NUP88: variants seen among roughly 807,000 people sequenced by gnomAD.
NUP88 encodes the protein nuclear pore complex protein Nup88.
A neutral mutation model predicts 93.9 loss-of-function variants in NUP88; 57 were observed. The ratio of observed to expected loss-of-function variants is 0.61; its 90% CI spans 0.49 to 0.76. The LOEUF (loss-of-function observed/expected upper bound fraction) is 0.76. Ranked by LOEUF, NUP88 falls within the 30% of genes least tolerant of loss-of-function variation. The pLI is 0.00. For missense variants in NUP88, 911 were observed against 901.0 expected, an observed-to-expected ratio of 1.01 and a Z score of -0.14; for synonymous variants, 346 against 336.8, an observed-to-expected ratio of 1.03 and a Z score of -0.30.
chr17:5,390,332 T>C (rs1303456256), intron 10 of NUP88, among the ~76,000 whole-genome samples: 1 of 152,142 alleles, frequency 6.6e-6, no homozygotes, highest in Non-Finnish European at 1.5e-5. Context: ...CTCCAGTGAT[T>C]TTATTATTTT....
chr17:5,410,257 T>C (rs1224459382), intron 4 of NUP88, among the ~76,000 whole-genome samples: 2 of 152,226 alleles, frequency 1.3e-5, no homozygotes, highest in Admixed American at 6.5e-5. Context: ...ATTACATGTA[T>C]ATCAAGAAGG....
At chr17:5,395,472 T>C (rs9789002) in intron 8 of NUP88, among the ~76,000 whole-genome samples, 66,232 of 151,760 alleles carry the variant, frequency 0.44, 15,216 homozygotes, top group East Asian at 0.84. Flanking sequence ...GGTTCAAGGA[T>C]GGAAAAAAGA....
chr17:5,387,349 C>T (rs1322479113), intron 14 of NUP88, 37 bp downstream of exon 14: 1 of 1,550,208 alleles, frequency 6.5e-7, no homozygotes, highest in Non-Finnish European at 8.9e-7. Context: ...GTTGTTAGTA[C>T]CTGACTAGGT....
chr17:5,419,510 C>G lies in NUP88; in HGVS notation c.141G>C (p.Leu47Phe). 3 of 1,613,918 alleles carry G rather than the reference C, an allele frequency of 1.9e-6. No homozygotes were observed. The highest frequency in any genetic ancestry group is 2.5e-6 in the Non-Finnish European group (3 of 1,179,912). The stretch of plus-strand genomic sequence containing the variant: ...GCAACTGCGGCGGCGGCGACGAAGG[C>G]AACGACGAAGAAGCTGGTTTCTCAG... ...TEAEKPASSS[L>F]PSSPPPQLLT... Residue 47 changes from leucine (L) to phenylalanine (F), a missense_variant, in exon 1 of 17, where the codon TTG (leucine) becomes TTC (phenylalanine). Coordinates refer to ENST00000573584, the MANE Select transcript of NUP88 (RefSeq NM_002532.6).
At chr17:5,418,731 A>C (rs1914365955) in intron 1 of NUP88, among the ~76,000 whole-genome samples, 1 of 152,206 alleles carries the variant, frequency 6.6e-6, no homozygotes, top group Non-Finnish European at 1.5e-5. Flanking sequence ...GCTCTTTTTC[A>C]TCTTTAAGAG....
chr17:5,417,805 C>A (rs1402243798), intron 1 of NUP88, among the ~76,000 whole-genome samples: 1 of 152,170 alleles, frequency 6.6e-6, no homozygotes, highest in Non-Finnish European at 1.5e-5. Flanking sequence ...CACCACTGCA[C>A]TCCAGCCTGG....
chr17:5,385,110 T>C lies in NUP88; in HGVS notation c.*1096A>G, dbSNP rs978517332. The C allele has an allele frequency of 8.7e-6, 2 of 229,414 alleles. No individual in the cohort carries two copies. The highest frequency in any genetic ancestry group is 1.8e-4 in the South Asian group (1 of 5,498). 14.2% of individuals were successfully genotyped at this position (229,414 alleles called of 1,614,324 possible). On this transcript the variant is annotated 3_prime_UTR_variant, in exon 17 of 17. Coordinates refer to ENST00000573584, the MANE Select transcript of NUP88 (RefSeq NM_002532.6). ...CAATTAGGGAATGGTTAGTGGTCTC[T>C]ACTGTGGCAAATGCCAACTGTTGGA...
chr17:5,392,349 A>G (rs971363233), intron 9 of NUP88, among the ~76,000 whole-genome samples: 1 of 152,162 alleles, frequency 6.6e-6, no homozygotes, highest in African/African-American at 2.4e-5. Context: ...TCTTCCATTT[A>G]AAATACTCTC....
intron 8 of NUP88, 146 bp from the exon 9 acceptor site, chr17:5,395,127 C>A (rs1912691673): frequency 3.3e-6 from 2 of 602,402 alleles, no homozygotes; most frequent in Non-Finnish European, 5.9e-6. Flanking sequence ...TAGGCATACG[C>A]TTTCCCAGGG....
rs757576994 is a variant in NUP88 at position 5,387,683 on chromosome 17, AAAG to A, written c.1770-16_1770-14del. On this transcript the variant is annotated splice_polypyrimidine_tract_variant and intron_variant, in intron 12 of 16. Transcript: ENST00000573584. ...TAATAATTTGACCCTTTAAAAACAA[AAAG>A]AAATAGAGTTTATTCAGAAGCCAGG... The A allele has an allele frequency of 2.9e-5, 47 of 1,610,700 alleles. No individual in the cohort carries two copies. Among genetic ancestry groups the A allele is most frequent in the Non-Finnish European group, 3.8e-5 (45 of 1,178,388 alleles).
chr17:5,410,764 T>C lies in NUP88; in HGVS notation c.619A>G (p.Thr207Ala). Residue 207 changes from threonine to alanine, a missense_variant, in exon 4 of 17, where the codon ACA (threonine) becomes GCA (alanine). Physicochemically the swap from Thr to Ala is moderately conservative, Grantham distance 58 (BLOSUM62 0). Transcript: ENST00000573584. ...IRIYSLREPQ[T>A]PTNVIILSEA... Reference sequence around the variant, plus strand: ...GAAAGTATTATCACGTTAGTGGGTGTCTGCGGCTCACGTAGTGAGTAAATT... The same window carrying C: ...GAAAGTATTATCACGTTAGTGGGTGCCTGCGGCTCACGTAGTGAGTAAATT... 6.2e-7 allele frequency: 1 copy of C among 1,612,598 alleles called. No homozygotes were observed. The highest frequency in any genetic ancestry group is 1.3e-5 in the African/African-American group (1 of 75,004).
At chr17:5,412,294 G>A (rs760429180) in intron 3 of NUP88, among the ~76,000 whole-genome samples, 4 of 152,082 alleles carry the variant, frequency 2.6e-5, no homozygotes, top group Non-Finnish European at 4.4e-5. Context: ...CTCTTTCTCT[G>A]CCCTGAACTC....
rs1236774046 is a variant in NUP88, at chr17:5,387,479, GAC to G, written c.1836-15_1836-14del. 1 of 1,613,220 alleles carries G rather than the reference GAC, an allele frequency of 6.2e-7. No individual in the cohort carries two copies. The highest frequency in any genetic ancestry group is 8.5e-7 in the Non-Finnish European group (1 of 1,179,158). On this transcript the variant is annotated splice_polypyrimidine_tract_variant and intron_variant, in intron 13 of 16. Transcript: ENST00000573584. The stretch of plus-strand genomic sequence containing the variant: ...CCGCAGACTTTTCCTAATGATGTAA[GAC>G]ACAAGAGACTCTTGAGGTCCACCCC...
intron 10 of NUP88, chr17:5,391,346 C>T: frequency 2.1e-6 from 1 of 469,272 alleles, no homozygotes; most frequent in Non-Finnish European, 3.8e-6. Context: ...TCCTGACTCT[C>T]AGCTAGGTGC....
At chr17:5,402,604 G>A (rs1544400) in intron 7 of NUP88, among the ~76,000 whole-genome samples, 70,248 of 152,066 alleles carry the variant, frequency 0.46, 16,985 homozygotes, top group East Asian at 0.84. Context: ...GTTATTACCA[G>A]AACTAGGCAA....
At position 5,400,139 on chromosome 17, in the gene NUP88, T is replaced by TAAAAAAA. The variant is rs199804588; in HGVS notation, c.1193-490_1193-489insTTTTTTT. ...GCAGGGTTGCCACATCTTTCATTTG[T>TAAAAAAA]TAAAAAAAAAAAAAAAAAGCACTGT... On this transcript the variant is annotated intron_variant, in intron 7 of 16. Transcript: ENST00000573584. Among the ~76,000 whole-genome samples, 17 of 111,648 alleles carry TAAAAAAA rather than the reference T, an allele frequency of 1.5e-4. 3 individuals carry two copies. Among genetic ancestry groups the TAAAAAAA allele is most frequent in the Non-Finnish European group, 1.9e-4 (11 of 57,222 alleles). 73.2% of individuals were successfully genotyped at this position (111,648 alleles called of 152,430 possible). A position where few individuals can be genotyped will look rare whatever the true frequency, so the allele number is the denominator to read the frequency against.
intron 4 of NUP88, 27 bp from the exon 5 acceptor site, chr17:5,408,936 G>A (rs774505659): frequency 1.3e-5 from 19 of 1,496,790 alleles, no homozygotes; most frequent in Non-Finnish European, 1.6e-5. Context: ...AAACCAACTT[G>A]TTAAAAACAA....
chr17:5,405,653 T>C (rs778046014), intron 5 of NUP88, among the ~76,000 whole-genome samples: 7 of 152,232 alleles, frequency 4.6e-5, no homozygotes, highest in Admixed American at 2.6e-4. Flanking sequence ...CTATGGTTTA[T>C]GCTTTCACCA....
At position 5,410,683 on chromosome 17, in the gene NUP88, A is replaced by G. The variant is rs185595470; in HGVS notation, c.680+20T>C. 13 of 1,450,526 alleles carry G rather than the reference A, an allele frequency of 9.0e-6. No individual in the cohort carries two copies. In the East Asian group the frequency reaches 3.0e-4, roughly 33 times the overall value. 89.9% of individuals were successfully genotyped at this position (1,450,526 alleles called of 1,614,324 possible). On this transcript the variant is annotated intron_variant, in intron 4 of 16. Coordinates refer to ENST00000573584, the MANE Select transcript of NUP88 (RefSeq NM_002532.6). The stretch of plus-strand genomic sequence containing the variant: ...ATAAGCTAATTAAAAAACCATTTCA[A>G]GACTCAAATAAAAACTTACCCTTTA...
Sources: allele counts gnomAD v4.1 joint callset (sites outside exome capture counted in the v4.1 genomes callset), GRCh38; gene constraint gnomAD v4.1.1; transcripts MANE v1.5; gene names NCBI Gene and HGNC (gene_info 2026-07-23, HGNC 2026-07-21).